Variants in RFC3 observed in about 807,000 individuals in gnomAD.
RFC3 encodes replication factor C subunit 3, also known as A1 38 kDa subunit.
In RFC3, 41 loss-of-function variants were observed where a neutral mutation model predicts 45.1. The observed-to-expected ratio is 0.91, with a 90% confidence interval of 0.71 to 1.18. The LOEUF is 1.18. Among genes scored for constraint, RFC3 ranks in the 50% most tolerant of loss-of-function variants. RFC3 has a pLI of 0.00. For synonymous variants in RFC3, 149 were observed against 144.0 expected (o/e 1.03, Z -0.25); for missense variants, 423 against 428.1 (o/e 0.99, Z 0.10).
intron 5 of RFC3, 83 bp from the exon 6 acceptor site, chr13:33,830,636 T>C (rs968829523): frequency 7.2e-6 from 8 of 1,106,470 alleles, no homozygotes; most frequent in African/African-American, 4.7e-5. Flanking sequence ...AATACAGTTA[T>C]AAGGGTCTAG....
intron 8 of RFC3, among the ~76,000 whole-genome samples, chr13:33,934,906 A>G (rs974876126): frequency 1.3e-5 from 2 of 152,116 alleles, no homozygotes; most frequent in African/African-American, 4.8e-5. Flanking sequence ...GATGGGAACC[A>G]TCAGCCTGGA....
chr13:33,920,392 T>G (rs564155748), intron 8 of RFC3, among the ~76,000 whole-genome samples: 26 of 151,502 alleles, frequency 1.7e-4, no homozygotes, highest in African/African-American at 5.3e-4. Context: ...CCCTTGCATG[T>G]GTGAGTTTTA....
chr13:33,855,044 A>G (rs1593640958), intron 8 of RFC3, among the ~76,000 whole-genome samples: 1 of 152,174 alleles, frequency 6.6e-6, no homozygotes, highest in African/African-American at 2.4e-5. Context: ...ACTAGCGACA[A>G]ATGAGCTTAA....
intron 8 of RFC3, among the ~76,000 whole-genome samples, chr13:33,913,851 C>T (rs756984534): frequency 6.6e-5 from 10 of 152,236 alleles, no homozygotes; most frequent in Middle Eastern, 3.4e-3. Context: ...CACCCATTCA[C>T]ATATATGTGT....
intron 8 of RFC3, among the ~76,000 whole-genome samples, chr13:33,887,087 A>G (rs1176744344): frequency 2.7e-5 from 4 of 146,322 alleles, no homozygotes; most frequent in Non-Finnish European, 4.5e-5. Flanking sequence ...TAGTGCCGCA[A>G]TAAACATACG....
At chr13:33,884,732 C>T (rs779274635) in intron 8 of RFC3, among the ~76,000 whole-genome samples, 2 of 152,192 alleles carry the variant, frequency 1.3e-5, no homozygotes, top group Admixed American at 6.5e-5. Flanking sequence ...CAGTCTCTTT[C>T]CCCAGGGCTG....
intron 8 of RFC3, among the ~76,000 whole-genome samples, chr13:33,907,822 C>T (rs2082680379): frequency 6.6e-6 from 1 of 151,974 alleles, no homozygotes; most frequent in South Asian, 2.1e-4. Context: ...TGTTAAATAG[C>T]AAGGAAAGCA....
chr13:33,924,727 G>GTA lies in RFC3; in HGVS notation c.880-41344_880-41343dup, dbSNP rs36101784. On this transcript the variant is annotated intron_variant, in intron 8 of 8. Coordinates refer to the RFC3 transcript ENST00000434425. ...TGTATGTGTGTGTGTGTGTGTGTGT[G>GTA]TATATATATATATATATCAGGGCCT... Among the ~76,000 whole-genome samples, 690 of 89,204 alleles carry GTA rather than the reference G, an allele frequency of 7.7e-3. 4 individuals are homozygous for GTA. Among genetic ancestry groups the GTA allele is most frequent in the Middle Eastern group, 0.02 (4 of 202 alleles). 58.5% of individuals were successfully genotyped at this position (89,204 alleles called of 152,430 possible).
chr13:33,844,863 A>G (rs1329795198), intron 8 of RFC3, among the ~76,000 whole-genome samples: 2 of 152,180 alleles, frequency 1.3e-5, no homozygotes, highest in South Asian at 2.1e-4. Context: ...TGTACTTACT[A>G]TTGCCAGTGA....
chr13:33,839,612 G>C (rs1337333313), downstream of RFC3, among the ~76,000 whole-genome samples: 1 of 152,072 alleles, frequency 6.6e-6, no homozygotes, highest in East Asian at 1.9e-4. Flanking sequence ...TGACAATTTT[G>C]TTCACTTCTC....
In RFC3 at chr13:33,881,532, G is replaced by A. The variant is rs2082484094; in HGVS notation, c.879+46315G>A. Among the ~76,000 whole-genome samples, 3 of 151,722 alleles carry A rather than the reference G, an allele frequency of 2.0e-5. No individual in the cohort carries two copies. In the South Asian group the frequency reaches 6.3e-4, roughly 32 times the overall value. On this transcript the variant is annotated intron_variant, in intron 8 of 8. Coordinates refer to the RFC3 transcript ENST00000434425. ...AATGGACCACTCACTTGACTCTCAGGCCTCGCAATTCCTTGACCATCTCAT... is the reference window on the plus strand; with the variant it reads ...AATGGACCACTCACTTGACTCTCAGACCTCGCAATTCCTTGACCATCTCAT...
At chr13:33,926,273 G>T (rs2082812811) in intron 8 of RFC3, among the ~76,000 whole-genome samples, 2 of 151,498 alleles carry the variant, frequency 1.3e-5, no homozygotes, top group African/African-American at 4.8e-5. Flanking sequence ...ACGAGTTAGT[G>T]GGTGCAGCGC....
At chr13:33,963,111 C>T (rs2083067266) in intron 8 of RFC3, among the ~76,000 whole-genome samples, 1 of 151,924 alleles carries the variant, frequency 6.6e-6, no homozygotes, top group Non-Finnish European at 1.5e-5. Flanking sequence ...TCAATTTATT[C>T]TCCATGTTTC....
intron 1 of RFC3, among the ~76,000 whole-genome samples, chr13:33,820,727 A>G (rs1300462017): frequency 2.6e-5 from 4 of 151,470 alleles, no homozygotes; most frequent in Non-Finnish European, 5.9e-5. Context: ...TCCTAATCTC[A>G]TGGATGATAG....
At chr13:33,844,587 AT>A (rs2082224083) in intron 8 of RFC3, among the ~76,000 whole-genome samples, 1 of 152,126 alleles carries the variant, frequency 6.6e-6, no homozygotes, top group African/African-American at 2.4e-5. Context: ...AGGTTTGCAA[AT>A]AATATAACTC....
intron 8 of RFC3, among the ~76,000 whole-genome samples, chr13:33,948,195 C>A (rs908761151): frequency 1.3e-5 from 2 of 152,168 alleles, no homozygotes; most frequent in East Asian, 1.9e-4. Flanking sequence ...GACATGGTGC[C>A]CTGTGTCCCA....
intron 8 of RFC3, among the ~76,000 whole-genome samples, chr13:33,882,207 C>T (rs147045983): frequency 2.3e-3 from 355 of 152,332 alleles, no homozygotes; most frequent in African/African-American, 8.2e-3. Flanking sequence ...AAAACTGGCA[C>T]AGTATAATAT....
intron 8 of RFC3, among the ~76,000 whole-genome samples, chr13:33,926,282 G>A (rs867886894): frequency 9.0e-4 from 132 of 145,902 alleles, no homozygotes; most frequent in African/African-American, 2.5e-3. Context: ...TGGGTGCAGC[G>A]CACCAGCATG....
At chr13:33,869,749 G>C (rs1249810318) in intron 8 of RFC3, among the ~76,000 whole-genome samples, 2 of 152,146 alleles carry the variant, frequency 1.3e-5, no homozygotes, top group Non-Finnish European at 2.9e-5. Flanking sequence ...TCATTATTCA[G>C]ACCTTTTCAC....
Sources: gnomAD v4.1 joint callset for allele counts (sites outside exome capture counted in the v4.1 genomes callset) on GRCh38, gnomAD v4.1.1 for gene constraint, MANE v1.5 for transcripts, NCBI Gene and HGNC (gene_info 2026-07-23, HGNC 2026-07-21) for gene names.